RBM47: variants seen among roughly 807,000 people sequenced by gnomAD.
RBM47 encodes RNA-binding protein 47.
A neutral mutation model predicts 47.1 loss-of-function variants in RBM47; 21 were observed. The observed-to-expected ratio is 0.45, with a 90% confidence interval of 0.32 to 0.64. RBM47 has a LOEUF of 0.64. Among genes scored for constraint, RBM47 ranks in the 30% least tolerant of loss-of-function variants. RBM47 has a pLI of 0.05. For missense variants in RBM47, 708 were observed against 870.9 expected (o/e 0.81, Z 2.35); for synonymous variants, 375 against 361.7 (o/e 1.04, Z -0.42).
intron 3 of RBM47, among the ~76,000 whole-genome samples, chr4:40,440,595 A>G (rs1057277687): frequency 6.6e-6 from 1 of 152,208 alleles, no homozygotes; most frequent in Non-Finnish European, 1.5e-5. Flanking sequence ...GATGGCCAAA[A>G]TAGTCCTTTT....
chr4:40,577,116 AGAG>A (rs2154270163), intron 1 of RBM47, among the ~76,000 whole-genome samples: 1 of 152,322 alleles, frequency 6.6e-6, no homozygotes, highest in African/African-American at 2.4e-5. Context: ...CACGTGCTAA[AGAG>A]GAAACCCTGA....
At chr4:40,602,345 T>C (rs1735356387) in intron 1 of RBM47, among the ~76,000 whole-genome samples, 1 of 151,928 alleles carries the variant, frequency 6.6e-6, no homozygotes, top group African/African-American at 2.4e-5. Flanking sequence ...GTTATTACTT[T>C]TAGAGCCAAA....
intron 1 of RBM47, among the ~76,000 whole-genome samples, chr4:40,606,843 A>C (rs1223148908): frequency 6.6e-6 from 1 of 152,078 alleles, no homozygotes; most frequent in Non-Finnish European, 1.5e-5. Flanking sequence ...CTCTCTACTA[A>C]AAACAAAAAC....
intron 3 of RBM47, among the ~76,000 whole-genome samples, chr4:40,439,756 G>A (rs1450394691): frequency 6.6e-6 from 1 of 152,172 alleles, no homozygotes; most frequent in Non-Finnish European, 1.5e-5. Context: ...TTGGTCATGG[G>A]GAAATAGGCT....
chr4:40,439,562 T>C (rs568915652), intron 3 of RBM47, among the ~76,000 whole-genome samples: 2 of 152,322 alleles, frequency 1.3e-5, no homozygotes, highest in East Asian at 1.9e-4. Flanking sequence ...GGTAAAATTC[T>C]TGGTGTGAAG....
At chr4:40,511,662 A>G (rs181044847) in intron 2 of RBM47, among the ~76,000 whole-genome samples, 1 of 152,310 alleles carries the variant, frequency 6.6e-6, no homozygotes, top group Admixed American at 6.5e-5. Flanking sequence ...TCCTCATGGA[A>G]ATACTAAATC....
intron 1 of RBM47, among the ~76,000 whole-genome samples, chr4:40,607,190 A>G (rs1051776326): frequency 2.6e-5 from 4 of 152,208 alleles, no homozygotes; most frequent in African/African-American, 9.7e-5. Flanking sequence ...GGAATGAAGT[A>G]TTGATAGATG....
intron 3 of RBM47, among the ~76,000 whole-genome samples, chr4:40,456,679 C>T (rs1322439901): frequency 2.7e-5 from 4 of 150,044 alleles, no homozygotes; most frequent in Non-Finnish European, 5.9e-5. Context: ...AATCCTCCTA[C>T]CTCGACCTCT....
chr4:40,576,255 T>TG (rs1347085099), intron 1 of RBM47, among the ~76,000 whole-genome samples: 6,342 of 60,374 alleles, frequency 0.11, 112 homozygotes, highest in African/African-American at 0.29. Context: ...TTTTTTTTTT[T>TG]TGGGGGGGGG....
intron 3 of RBM47, among the ~76,000 whole-genome samples, chr4:40,452,709 T>C (rs73150103): frequency 0.021 from 3,141 of 152,234 alleles, 107 homozygotes; most frequent in African/African-American, 0.072. Flanking sequence ...AAGCCTTTTT[T>C]CTACAATTAG....
intron 1 of RBM47, among the ~76,000 whole-genome samples, chr4:40,575,725 T>C (rs1441017624): frequency 6.6e-6 from 1 of 152,202 alleles, no homozygotes; most frequent in African/African-American, 2.4e-5. Context: ...TGCCCAGGAC[T>C]GTCCTGGTTT....
At chr4:40,569,869 G>T (rs778115595) in intron 1 of RBM47, among the ~76,000 whole-genome samples, 1 of 151,436 alleles carries the variant, frequency 6.6e-6, no homozygotes, top group Non-Finnish European at 1.5e-5. Flanking sequence ...CTGTGACCAC[G>T]CCTGGCTAAT....
chr4:40,552,139 C>T (rs2154264367), intron 1 of RBM47, among the ~76,000 whole-genome samples: 1 of 152,152 alleles, frequency 6.6e-6, no homozygotes, highest in African/African-American at 2.4e-5. Flanking sequence ...TGGCTCACAC[C>T]TGTAATCCCA....
At chr4:40,567,239 G>A (rs1240520598) in intron 1 of RBM47, among the ~76,000 whole-genome samples, 1 of 151,768 alleles carries the variant, frequency 6.6e-6, no homozygotes, top group Admixed American at 6.6e-5. Context: ...TAACAACTTC[G>A]GAATTTTAGG....
At chr4:40,451,660 T>C (rs115238363) in intron 3 of RBM47, among the ~76,000 whole-genome samples, 1 of 152,366 alleles carries the variant, frequency 6.6e-6, no homozygotes, top group Non-Finnish European at 1.5e-5. Context: ...AATTCACTGG[T>C]ACTAAAGTCA....
At position 40,436,721 on chromosome 4, in the gene RBM47, C is replaced by G. The variant is rs1712487942; in HGVS notation, c.1124-74G>C. The G allele has an allele frequency of 2.7e-6, 4 of 1,470,110 alleles. No homozygotes were observed. In the Admixed American group the frequency reaches 5.1e-5, roughly 19 times the overall value. The allele number at this position is 1,470,110 out of a possible 1,614,324, so 91.1% of individuals were successfully genotyped here. On this transcript the variant is annotated intron_variant, in intron 4 of 6. Transcript: ENST00000295971. ...TGGAGGCAGACCTCAGCCCTCGGTT[C>G]TCGGCATTTAACTGCCCCAGTCTTA...
intron 2 of RBM47, among the ~76,000 whole-genome samples, chr4:40,471,610 C>T (rs1041191716): frequency 1.3e-5 from 2 of 151,172 alleles, no homozygotes; most frequent in African/African-American, 2.4e-5. Context: ...GACAGAATTG[C>T]TTGAATCCGG....
At chr4:40,588,865 G>A (rs576016714) in intron 1 of RBM47, among the ~76,000 whole-genome samples, 3 of 152,068 alleles carry the variant, frequency 2.0e-5, no homozygotes, top group Non-Finnish European at 2.9e-5. Flanking sequence ...CGTGGCCGAC[G>A]TGTTTGCTGT....
intron 3 of RBM47, among the ~76,000 whole-genome samples, chr4:40,441,760 A>G (rs1441419645): frequency 6.6e-6 from 1 of 152,224 alleles, no homozygotes; most frequent in African/African-American, 2.4e-5. Context: ...GTCATTGCCA[A>G]TTCCAACCCC....
Sources: allele counts gnomAD v4.1 joint callset (sites outside exome capture counted in the v4.1 genomes callset), GRCh38; gene constraint gnomAD v4.1.1; transcripts MANE v1.5; gene names NCBI Gene and HGNC (gene_info 2026-07-23, HGNC 2026-07-21).